Variants in TG observed in about 807,000 individuals in gnomAD.
The protein encoded by TG is thyroglobulin, also known as thyroid hormones.
Under a neutral mutation model 324.7 loss-of-function variants are expected in TG, and 270 were observed. The ratio of observed to expected loss-of-function variants is 0.83; its 90% CI spans 0.75 to 0.92. The LOEUF is 0.92. Ranked by LOEUF, TG falls within the 40% of genes least tolerant of loss-of-function variation. The pLI is 0.00. For synonymous variants in TG, 1,401 were observed against 1,327.0 expected, an observed-to-expected ratio of 1.06 and a Z score of -1.21; for missense variants, 3,591 against 3,456.4, an observed-to-expected ratio of 1.04 and a Z score of -0.98.
At chr8:132,969,910 C>CAAAAAAAA (rs11335158) in intron 32 of TG, among the ~76,000 whole-genome samples, 3 of 58,074 alleles carry the variant, frequency 5.2e-5, no homozygotes, top group African/African-American at 1.4e-4. Context: ...GAGACTCTGT[C>CAAAAAAAA]AAAAAAAAAA....
chr8:133,116,780 A>G (rs1850730070), intron 45 of TG, 64 bp downstream of exon 45: 1 of 1,349,360 alleles, frequency 7.4e-7, no homozygotes, highest in Non-Finnish European at 1.1e-6. Flanking sequence ...CAGTTCGATG[A>G]CATGGGACAC....
At chr8:133,132,033 C>T (rs780623493) in intron 46 of TG, 87 bp downstream of exon 46, 227 of 1,566,476 alleles carry the variant, frequency 1.4e-4, no homozygotes, top group Non-Finnish European at 1.9e-4. Context: ...CAATTTGCAT[C>T]GATAGACTCA....
At chr8:133,121,434 A>G (rs1851133658) in intron 45 of TG, among the ~76,000 whole-genome samples, 1 of 152,208 alleles carries the variant, frequency 6.6e-6, no homozygotes, top group South Asian at 2.1e-4. Flanking sequence ...ATGAAAAACT[A>G]CTGGACCCAG....
chr8:133,032,757 A>G (rs1317277447), intron 41 of TG, among the ~76,000 whole-genome samples: 1 of 152,236 alleles, frequency 6.6e-6, no homozygotes, highest in East Asian at 1.9e-4. Context: ...TGGGGCCAGA[A>G]CTGTTGAAAC....
intron 35 of TG, chr8:132,989,054 G>A (rs1831978611): frequency 4.2e-6 from 1 of 239,226 alleles, no homozygotes; most frequent in Non-Finnish European, 6.8e-6. Flanking sequence ...ATCTTACGTG[G>A]ATGACAGCAG....
At chr8:132,965,210 G>T (rs1239699429) in intron 29 of TG, among the ~76,000 whole-genome samples, 1 of 152,216 alleles carries the variant, frequency 6.6e-6, no homozygotes, top group Non-Finnish European at 1.5e-5. Flanking sequence ...GTTCAGTGAG[G>T]AAACAGGCTT....
intron 8 of TG, chr8:132,883,256 A>G: frequency 2.0e-6 from 1 of 509,638 alleles, no homozygotes; most frequent in South Asian, 2.2e-5. Context: ...AATAAAAGAG[A>G]ATTGAGTTCC....
intron 18 of TG, 80 bp downstream of exon 18, chr8:132,908,420 T>C: frequency 2.0e-6 from 2 of 981,180 alleles, no homozygotes; most frequent in South Asian, 1.7e-5. Flanking sequence ...GGGCTCACAT[T>C]AACACAGAGG....
chr8:132,894,430 C>G (rs988804376), intron 11 of TG, among the ~76,000 whole-genome samples: 1 of 152,000 alleles, frequency 6.6e-6, no homozygotes, highest in East Asian at 1.9e-4. Context: ...GCCTGCAGTC[C>G]TCTGGTCTAT....
At chr8:133,003,688 A>G (rs1486731291) in intron 35 of TG, among the ~76,000 whole-genome samples, 1 of 152,248 alleles carries the variant, frequency 6.6e-6, no homozygotes, top group Admixed American at 6.5e-5. Flanking sequence ...CCGCCTGTGC[A>G]GAGACTGCAG....
chr8:132,986,323 G>A (rs1487108219), intron 35 of TG, among the ~76,000 whole-genome samples: 1 of 149,850 alleles, frequency 6.7e-6, no homozygotes, highest in Admixed American at 6.7e-5. Context: ...ATGTGTGTGT[G>A]TGTATATATA....
intron 40 of TG, among the ~76,000 whole-genome samples, chr8:133,024,193 G>A (rs915033934): frequency 1.3e-5 from 2 of 152,218 alleles, no homozygotes; most frequent in Non-Finnish European, 2.9e-5. Context: ...GGAACAACAA[G>A]AAATACTGTA....
At chr8:132,981,492 A>G (rs1283703566) in intron 34 of TG, among the ~76,000 whole-genome samples, 1 of 152,230 alleles carries the variant, frequency 6.6e-6, no homozygotes, top group Non-Finnish European at 1.5e-5. Flanking sequence ...TCTGGGAAGA[A>G]CAGACATTTT....
intron 41 of TG, among the ~76,000 whole-genome samples, chr8:133,040,641 A>C (rs1564103967): frequency 6.6e-6 from 1 of 152,102 alleles, no homozygotes; most frequent in Non-Finnish European, 1.5e-5. Flanking sequence ...ATAGATCTCT[A>C]GGAAGAAAGA....
rs148579032 is a variant in TG at position 133,050,904 on chromosome 8, C to T, written c.7239+20881C>T. The stretch of plus-strand genomic sequence containing the variant: ...TAGTCACTTAGCACGGCAAGGAAGT[C>T]GCTATCCAGTCCTGGGGAAACAAAG... On this transcript the variant is annotated intron_variant, in intron 41 of 47. Coordinates refer to ENST00000220616, the MANE Select transcript of TG (RefSeq NM_003235.5). The T allele has an allele frequency of 6.3e-5, 102 of 1,611,894 alleles. No individual in the cohort carries two copies. The African/African-American group carries it at 7.7e-4, about 12-fold the overall frequency.
At position 132,943,533 on chromosome 8, in the gene TG, G is replaced by C. The variant is rs562008593; in HGVS notation, c.5233+1991G>C. Among the ~76,000 whole-genome samples, 9 of 152,212 alleles carry C rather than the reference G, an allele frequency of 5.9e-5. No homozygotes were observed. In the South Asian group the frequency reaches 1.9e-3, roughly 32 times the overall value. ...GTACAATGCCCCTGCCCTCCTCCCT[G>C]CTCTCCACCTGTCACCAGCCCAGTG... is the stretch of plus-strand genomic sequence containing the variant. On this transcript the variant is annotated intron_variant, in intron 26 of 47. Coordinates refer to ENST00000220616, the MANE Select transcript of TG (RefSeq NM_003235.5).
Position 133,042,678 on chromosome 8 carries a change from C to CCTTTTTTTTTTTTTT in TG, c.7239+12655_7239+12656insCTTTTTTTTTTTTTT, listed in dbSNP as rs1554706932. 1.4e-3 allele frequency among the ~76,000 whole-genome samples: 79 copies of CCTTTTTTTTTTTTTT among 56,776 alleles called. 12 individuals are homozygous for CCTTTTTTTTTTTTTT. The highest frequency in any genetic ancestry group is 2.4e-3 in the South Asian group (4 of 1,676). 37.2% of individuals were successfully genotyped at this position (56,776 alleles called of 152,430 possible). On this transcript the variant is annotated intron_variant, in intron 41 of 47. Coordinates refer to ENST00000220616, the MANE Select transcript of TG (RefSeq NM_003235.5). ...GTGCACAATTCCTCTCATTCTGTGT[C>CCTTTTTTTTTTTTTT]TTTTTTTTTTTTTTTTTTTTTTTTT...
intron 41 of TG, among the ~76,000 whole-genome samples, chr8:133,045,746 G>C (rs139364711): frequency 1.3e-5 from 2 of 152,154 alleles, no homozygotes; most frequent in African/African-American, 4.8e-5. Flanking sequence ...TCCACATCCT[G>C]AGGCCAAATG....
In TG at chr8:132,933,630, T is replaced by C. The variant is rs1356281373; in HGVS notation, c.4886T>C (p.Phe1629Ser). ...ACGGAGCCAGAGATTTCCTGTGATT[T>C]CTATGCTTGGACAAGTGACAATGTT... is the stretch of plus-strand genomic sequence containing the variant. ...STTEPEISCD[F>S]YAWTSDNVAC... The change falls in exon 24 of 48, where the codon TTC (phenylalanine) becomes TCC (serine). Residue 1629 changes from phenylalanine to serine, a missense_variant. Coordinates refer to ENST00000220616, the MANE Select transcript of TG (RefSeq NM_003235.5). The C allele has an allele frequency of 6.2e-7, 1 of 1,614,016 alleles. No individual in the cohort carries two copies. Among genetic ancestry groups the C allele is most frequent in the East Asian group, 2.2e-5 (1 of 44,886 alleles).
Sources: gnomAD v4.1 joint callset for allele counts (sites outside exome capture counted in the v4.1 genomes callset) on GRCh38, gnomAD v4.1.1 for gene constraint, MANE v1.5 for transcripts, NCBI Gene and HGNC (gene_info 2026-07-23, HGNC 2026-07-21) for gene names.